Variants in QRFPR observed in about 807,000 individuals in gnomAD.
QRFPR encodes pyroglutamylated RFamide peptide receptor.
Under a neutral mutation model 31.3 loss-of-function variants are expected in QRFPR, and 37 were observed. The ratio of observed to expected loss-of-function variants is 1.18; its 90% CI spans 0.91 to 1.56. The LOEUF (loss-of-function observed/expected upper bound fraction) is 1.56. Among genes scored for constraint, QRFPR ranks in the 40% most tolerant of loss-of-function variants. The probability of loss-of-function intolerance (pLI) is 0.00; values close to 1 mark genes in which losing one functional copy is unlikely to be tolerated. For missense variants in QRFPR, 542 were observed against 532.5 expected, an observed-to-expected ratio of 1.02 and a Z score of -0.18; for synonymous variants, 197 against 192.0, an observed-to-expected ratio of 1.03 and a Z score of -0.22.
chr4:121,330,053 A>C (rs1725292035), intron 5 of QRFPR, among the ~76,000 whole-genome samples: 1 of 144,698 alleles, frequency 6.9e-6, no homozygotes, highest in Admixed American at 7.5e-5. Flanking sequence ...TCATACTGAG[A>C]ACCATGGTAA....
At chr4:121,348,138 G>A (rs1355233565) in intron 1 of QRFPR, among the ~76,000 whole-genome samples, 1 of 151,972 alleles carries the variant, frequency 6.6e-6, no homozygotes, top group Non-Finnish European at 1.5e-5. Context: ...TTGAATCATG[G>A]GTCCATCACT....
chr4:121,362,119 TATA>T (rs1186896030), intron 1 of QRFPR, among the ~76,000 whole-genome samples: 2 of 150,216 alleles, frequency 1.3e-5, no homozygotes, highest in African/African-American at 4.9e-5. Flanking sequence ...CACAGCTCAG[TATA>T]TAATTCTGGC....
At chr4:121,341,137 G>T (rs528965234) in intron 1 of QRFPR, among the ~76,000 whole-genome samples, 20 of 152,282 alleles carry the variant, frequency 1.3e-4, no homozygotes, top group African/African-American at 4.8e-4. Flanking sequence ...TAATGCAACG[G>T]TCTCAAAGTG....
At chr4:121,345,313 C>T (rs1725622074) in intron 1 of QRFPR, among the ~76,000 whole-genome samples, 2 of 152,186 alleles carry the variant, frequency 1.3e-5, no homozygotes, top group Non-Finnish European at 1.5e-5. Flanking sequence ...CTCTGAGCTC[C>T]CTTGGTCGCT....
rs1351320981 is a variant in QRFPR, at chr4:121,330,483, C to T, written c.838G>A (p.Ala280Thr). 2 of 1,613,906 alleles carry T rather than the reference C, an allele frequency of 1.2e-6. No individual in the cohort carries two copies. ...GGTGCCCAGCACACAGCAAAGAGAG[C>T]CACCACTGTCACCATCATAATGACA... Reference protein sequence around the residue: ...RAVIMMVTVVALFAVCWAPFH... With the variant: ...RAVIMMVTVVTLFAVCWAPFH... Residue 280 changes from alanine to threonine, a missense_variant, in exon 5 of 6, where the codon GCT becomes ACT. Transcript: ENST00000394427.
chr4:121,329,119 G>C lies in QRFPR; in HGVS notation c.*195C>G. Reference sequence around the variant, plus strand: ...GGAATGAGAAGGAACACAGAAATCTGTTAAATGATTGTGATCAATTGGTTG... The same window carrying C: ...GGAATGAGAAGGAACACAGAAATCTCTTAAATGATTGTGATCAATTGGTTG... On this transcript the variant is annotated 3_prime_UTR_variant, in exon 6 of 6. Coordinates refer to ENST00000394427, the MANE Select transcript of QRFPR (RefSeq NM_198179.3). The C allele has an allele frequency of 4.0e-6, 2 of 496,210 alleles. No individual in the cohort carries two copies. Among genetic ancestry groups the C allele is most frequent in the South Asian group, 4.0e-5 (1 of 24,708 alleles). 30.7% of individuals were successfully genotyped at this position (496,210 alleles called of 1,614,324 possible).
Position 121,365,089 on chromosome 4 carries a change from C to T in QRFPR, c.340+15219G>A, listed in dbSNP as rs1465557047. Among the ~76,000 whole-genome samples, 5 of 149,554 alleles carry T rather than the reference C, an allele frequency of 3.3e-5. No individual in the cohort carries two copies. In the South Asian group the frequency reaches 8.5e-4, roughly 25 times the overall value. ...TCTCTTCATCATTGCTACAAAATAG[C>T]CTTCCCATAATTCTAATTATTTTAA... On this transcript the variant is annotated intron_variant, in intron 1 of 5. Coordinates refer to ENST00000394427, the MANE Select transcript of QRFPR (RefSeq NM_198179.3).
intron 1 of QRFPR, among the ~76,000 whole-genome samples, chr4:121,364,615 G>A (rs974185638): frequency 2.0e-5 from 3 of 147,136 alleles, no homozygotes; most frequent in Non-Finnish European, 4.5e-5. Flanking sequence ...ACTCCAGCCT[G>A]GGCCACAGAG....
intron 1 of QRFPR, chr4:121,369,943 G>T (rs919357671): frequency 1.3e-6 from 1 of 766,690 alleles, no homozygotes; most frequent in Admixed American, 1.7e-5. Context: ...TGACACCCTT[G>T]TGGGTGTGTA....
chr4:121,349,366 C>G (rs1725721378), intron 1 of QRFPR, among the ~76,000 whole-genome samples: 3 of 152,060 alleles, frequency 2.0e-5, no homozygotes, highest in Non-Finnish European at 4.4e-5. Flanking sequence ...GATTGATCCT[C>G]CTATGTTTAT....
intron 1 of QRFPR, among the ~76,000 whole-genome samples, chr4:121,368,937 CT>C (rs1726178061): frequency 6.6e-6 from 1 of 152,222 alleles, no homozygotes; most frequent in South Asian, 2.1e-4. Flanking sequence ...AAAATGGCTT[CT>C]TCCACACAAC....
Position 121,329,695 on chromosome 4 carries a change from A to G in QRFPR, c.915T>C (p.Tyr305=), listed in dbSNP as rs749319562. 1 of 1,538,734 alleles carries G rather than the reference A, an allele frequency of 6.5e-7. No individual in the cohort carries two copies. Among genetic ancestry groups the G allele is most frequent in the East Asian group, 2.3e-5 (1 of 44,102 alleles). The part of the protein sequence containing the change: ...MIEYSNFEKE[Y]DDVTIKMIFA... ...AAATCATCTTGATTGTGACATCATC[A>G]TATTCCTTTTCAAAATTACCTGAAA... Residue 305 remains tyrosine (Y), a synonymous_variant, in exon 6 of 6, where the codon TAT becomes TAC. Transcript: ENST00000394427.
At chr4:121,367,188 C>T (rs1050556982) in intron 1 of QRFPR, among the ~76,000 whole-genome samples, 2 of 149,976 alleles carry the variant, frequency 1.3e-5, no homozygotes, top group Admixed American at 6.6e-5. Flanking sequence ...AATTACGAGA[C>T]AGAGGCAGGG....
chr4:121,380,518 C>A lies in QRFPR; in HGVS notation c.130G>T (p.Ala44Ser), dbSNP rs764359077. 6 of 1,613,526 alleles carry A rather than the reference C, an allele frequency of 3.7e-6. No homozygotes were observed. The African/African-American group carries it at 6.7e-5, about 18-fold the overall frequency. Residue 44 changes from alanine (A) to serine (S), a missense_variant, in exon 1 of 6, where the codon GCC (alanine) becomes TCC (serine). Transcript: ENST00000394427. Reference protein sequence around the residue: ...LVYTPELPGRAKLALVLTGVL... With the variant: ...LVYTPELPGRSKLALVLTGVL... ...CCGGTGAGCACGAGGGCCAGCTTGG[C>A]GCGTCCCGGCAGCTCTGGGGTGTAG...
chr4:121,363,822 C>T (rs1305782904), intron 1 of QRFPR, among the ~76,000 whole-genome samples: 2 of 149,920 alleles, frequency 1.3e-5, no homozygotes, highest in Non-Finnish European at 3.0e-5. Flanking sequence ...TTTCCCTGTA[C>T]TGGCCATTTA....
chr4:121,349,884 C>T (rs1000864462), intron 1 of QRFPR, among the ~76,000 whole-genome samples: 5 of 152,112 alleles, frequency 3.3e-5, no homozygotes, highest in African/African-American at 1.2e-4. Context: ...TCCAATAAGG[C>T]ATAGCAATCA....
chr4:121,369,719 G>A (rs1268354454), intron 1 of QRFPR: 1 of 1,596,520 alleles, frequency 6.3e-7, no homozygotes, highest in African/African-American at 1.3e-5. Context: ...CCCACTTCCA[G>A]AGTCCATGGT....
chr4:121,336,692 T>C, intron 3 of QRFPR, 115 bp downstream of exon 3: 1 of 811,782 alleles, frequency 1.2e-6, no homozygotes, highest in Non-Finnish European at 2.2e-6. Flanking sequence ...TCCAGTGGAA[T>C]AGCTGAGGTC....
At chr4:121,354,883 T>G (rs1725835355) in intron 1 of QRFPR, among the ~76,000 whole-genome samples, 1 of 152,148 alleles carries the variant, frequency 6.6e-6, no homozygotes, top group South Asian at 2.1e-4. Context: ...TTGATTCGCA[T>G]AGGTTGAACT....
Sources: allele counts gnomAD v4.1 joint callset (sites outside exome capture counted in the v4.1 genomes callset), GRCh38; gene constraint gnomAD v4.1.1; transcripts MANE v1.5; gene names NCBI Gene and HGNC (gene_info 2026-07-23, HGNC 2026-07-21).